Variants in ANKRD55 observed in about 807,000 individuals in gnomAD.
The protein encoded by ANKRD55 is ankyrin repeat domain 55, also known as ankyrin repeat domain-containing protein 55.
In ANKRD55, 41 loss-of-function variants were observed where a neutral mutation model predicts 60.6. The observed-to-expected ratio is 0.68, with a 90% CI of 0.53 to 0.88. The LOEUF (loss-of-function observed/expected upper bound fraction) is 0.88. ANKRD55 is among the 40% of genes least tolerant of loss of function. The pLI, the probability that ANKRD55 is intolerant of heterozygous loss-of-function variation, is 0.00. For synonymous variants in ANKRD55, 264 were observed against 290.3 expected, an observed-to-expected ratio of 0.91 and a Z score of 0.92; for missense variants, 732 against 767.6, an observed-to-expected ratio of 0.95 and a Z score of 0.55.
chr5:56,193,633 C>G (rs538339982), intron 2 of ANKRD55: 2 of 290,904 alleles, frequency 6.9e-6, no homozygotes, highest in Admixed American at 7.8e-5. Flanking sequence ...GTCAGGAAAC[C>G]CTTGAAAGAA....
At chr5:56,161,801 C>CA (rs1389253460) in intron 5 of ANKRD55, among the ~76,000 whole-genome samples, 14 of 152,192 alleles carry the variant, frequency 9.2e-5, no homozygotes, top group Non-Finnish European at 2.1e-4. Flanking sequence ...ACTAAAGGGA[C>CA]AATGGCTATG....
intron 10 of ANKRD55, among the ~76,000 whole-genome samples, chr5:56,110,175 T>C (rs1329679426): frequency 1.3e-5 from 2 of 151,210 alleles, no homozygotes; most frequent in Admixed American, 1.3e-4. Context: ...GAAGGGAGGA[T>C]TGCTTGAGGC....
rs373127732 is a variant in ANKRD55, at chr5:56,111,075, G to T, written c.1630+43C>A. 4.8e-4 allele frequency: 757 copies of T among 1,581,728 alleles called. 1 individual carries two copies. Among genetic ancestry groups the T allele is most frequent in the Non-Finnish European group, 5.8e-4 (669 of 1,161,632 alleles). ...CTTAAAACTGTACGGGACATTTCCA[G>T]TATAGAGCCTGCTGAGAATGAACAT... On this transcript the variant is annotated intron_variant, in intron 10 of 11. Transcript: ENST00000341048.
At chr5:56,201,758 A>G (rs1356819565) in intron 2 of ANKRD55, among the ~76,000 whole-genome samples, 2 of 152,234 alleles carry the variant, frequency 1.3e-5, no homozygotes, top group African/African-American at 2.4e-5. Flanking sequence ...ACCAAGAGGC[A>G]GAAATACCAT....
intron 5 of ANKRD55, among the ~76,000 whole-genome samples, chr5:56,163,685 C>T (rs1171443216): frequency 2.0e-5 from 3 of 152,212 alleles, no homozygotes; most frequent in African/African-American, 7.2e-5. Flanking sequence ...CCAGTGCCTA[C>T]ATTTTCTTAT....
chr5:56,217,804 G>A (rs927120091), intron 2 of ANKRD55, among the ~76,000 whole-genome samples: 1 of 151,812 alleles, frequency 6.6e-6, no homozygotes, highest in Non-Finnish European at 1.5e-5. Flanking sequence ...GCTGAGGCAG[G>A]AGAATGGCAT....
intron 11 of ANKRD55, 129 bp downstream of exon 11, chr5:56,102,365 G>C: frequency 1.8e-6 from 1 of 560,236 alleles, no homozygotes; most frequent in Non-Finnish European, 3.0e-6. Context: ...CACTCTAGCC[G>C]GGGCGACAGC....
At chr5:56,204,399 C>T (rs1759453322) in intron 2 of ANKRD55, among the ~76,000 whole-genome samples, 1 of 152,112 alleles carries the variant, frequency 6.6e-6, no homozygotes, top group African/African-American at 2.4e-5. Context: ...AAGTCCTTGC[C>T]CATGCCTATG....
chr5:56,106,100 C>T (rs766462135), intron 10 of ANKRD55, among the ~76,000 whole-genome samples: 3 of 152,138 alleles, frequency 2.0e-5, no homozygotes, highest in Non-Finnish European at 4.4e-5. Flanking sequence ...GCTAAATGTT[C>T]AGGGCTGCTG....
chr5:56,192,887 C>T (rs953394154), intron 2 of ANKRD55: 49 of 638,794 alleles, frequency 7.7e-5, no homozygotes, highest in Non-Finnish European at 1.3e-4. Flanking sequence ...ATGGGCCCAG[C>T]GTTGTCTAAA....
At chr5:56,107,408 G>A (rs1011288478) in intron 10 of ANKRD55, among the ~76,000 whole-genome samples, 3 of 152,118 alleles carry the variant, frequency 2.0e-5, no homozygotes, top group African/African-American at 7.2e-5. Context: ...CATTGTGTAA[G>A]TGAGCAAATC....
At position 56,113,930 on chromosome 5, in the gene ANKRD55, G is replaced by A. The variant is rs547639778; in HGVS notation, c.966-2148C>T. On this transcript the variant is annotated intron_variant, in intron 9 of 11. Coordinates refer to ENST00000341048, the MANE Select transcript of ANKRD55 (RefSeq NM_024669.3). ...TTCCCAAAGTGTGGAGGTTACAGGC[G>A]TGAGTCACTGCGCTCGACCCATCTG... Among the ~76,000 whole-genome samples the A allele has an allele frequency of 1.5e-4, 22 of 150,902 alleles. 1 individual carries two copies. The highest frequency in any genetic ancestry group is 8.4e-4 in the South Asian group (4 of 4,754).
chr5:56,206,909 CG>C (rs1483166781), intron 2 of ANKRD55, among the ~76,000 whole-genome samples: 2 of 152,110 alleles, frequency 1.3e-5, no homozygotes, highest in African/African-American at 4.8e-5. Context: ...TAGTGTCTGC[CG>C]GGGTGGCAGG....
intron 7 of ANKRD55, among the ~76,000 whole-genome samples, chr5:56,135,857 A>G (rs978077073): frequency 3.9e-5 from 6 of 152,248 alleles, no homozygotes; most frequent in African/African-American, 1.4e-4. Flanking sequence ...AATTATAGCA[A>G]GATTTCAGGA....
chr5:56,112,817 C>G (rs1315319495), intron 9 of ANKRD55, among the ~76,000 whole-genome samples: 1 of 152,190 alleles, frequency 6.6e-6, no homozygotes, highest in African/African-American at 2.4e-5. Context: ...TGCAACACTA[C>G]TTTCTGGAGT....
At chr5:56,205,064 C>T (rs1409778649) in intron 2 of ANKRD55, among the ~76,000 whole-genome samples, 8 of 151,128 alleles carry the variant, frequency 5.3e-5, no homozygotes, top group Admixed American at 2.0e-4. Context: ...TCTTTTCTTT[C>T]TTTTTTTTTC....
In ANKRD55 at chr5:56,170,798, C is replaced by A; in HGVS notation, c.318G>T (p.Trp106Cys). The change falls in exon 5 of 12, where the codon TGG (tryptophan) becomes TGT (cysteine). Residue 106 changes from tryptophan to cysteine, a missense_variant. Trp to Cys is a radical substitution (Grantham distance 215). This residue lies in a region of ANKRD55 where 131 missense variants were observed against 142.7 expected (regional missense o/e 0.92). Coordinates refer to ENST00000341048, the MANE Select transcript of ANKRD55 (RefSeq NM_024669.3). ...TSLCLATYLG[W>C]LEGCVSLLRN... ...TGAGTAGACTCACACAGCCTTCAAG[C>A]CAGCCCTGAAATACAAGAGCAACCA... The A allele has an allele frequency of 6.2e-7, 1 of 1,614,040 alleles. No individual in the cohort carries two copies. Among genetic ancestry groups the A allele is most frequent in the Non-Finnish European group, 8.5e-7 (1 of 1,179,948 alleles).
chr5:56,214,713 A>G (rs1162514025), intron 2 of ANKRD55, among the ~76,000 whole-genome samples: 2 of 152,120 alleles, frequency 1.3e-5, no homozygotes, highest in Non-Finnish European at 2.9e-5. Flanking sequence ...TATATTCACT[A>G]AGATTCCTTC....
chr5:56,111,019 C>A (rs1259195565), intron 10 of ANKRD55, 99 bp downstream of exon 10: 6 of 1,381,002 alleles, frequency 4.3e-6, no homozygotes, highest in African/African-American at 1.4e-5. Flanking sequence ...TCTCACCCTG[C>A]CTTCTAGGCT....
Sources: gnomAD v4.1 joint callset for allele counts (sites outside exome capture counted in the v4.1 genomes callset) on GRCh38, gnomAD v4.1.1 for gene constraint, gnomAD v4.1.1 regional missense constraint, MANE v1.5 for transcripts, NCBI Gene and HGNC (gene_info 2026-07-23, HGNC 2026-07-21) for gene names.